Variants in PARD3B observed in about 807,000 individuals in gnomAD.
PARD3B encodes partitioning defective 3 homolog B.
A neutral mutation model predicts 130.2 loss-of-function variants in PARD3B; 103 were observed. The observed-to-expected ratio is 0.79, with a 90% CI of 0.67 to 0.93. The LOEUF (loss-of-function observed/expected upper bound fraction) is 0.93, where lower values mean the gene tolerates loss of function less well. PARD3B is among the 40% of genes least tolerant of loss of function. The pLI, the probability that PARD3B is intolerant of heterozygous loss-of-function variation, is 0.00. For missense variants in PARD3B, 1,609 were observed against 1,499.2 expected, an observed-to-expected ratio of 1.07 and a Z score of -1.21; for synonymous variants, 583 against 553.2, an observed-to-expected ratio of 1.05 and a Z score of -0.76.
At chr2:205,058,206 T>A (rs950587922) in intron 4 of PARD3B, among the ~76,000 whole-genome samples, 1 of 151,942 alleles carries the variant, frequency 6.6e-6, no homozygotes, top group African/African-American at 2.4e-5. Context: ...TTGACTGGCT[T>A]ATTTTACTGA....
At chr2:205,150,600 A>G (rs925806795) in intron 10 of PARD3B, among the ~76,000 whole-genome samples, 2 of 152,138 alleles carry the variant, frequency 1.3e-5, no homozygotes, top group African/African-American at 2.4e-5. Flanking sequence ...GAAGTTTGCT[A>G]TTATTAGAGG....
In PARD3B at chr2:205,116,987, G is replaced by C. The variant is rs2029882321; in HGVS notation, c.681-1934G>C. 6.6e-6 allele frequency among the ~76,000 whole-genome samples: 1 copy of C among 151,970 alleles called. No individual in the cohort carries two copies. Among genetic ancestry groups the C allele is most frequent in the African/African-American group, 2.4e-5 (1 of 41,380 alleles). ...CCCAAAATGTGAAATTAAATCCTAG[G>C]GAGTAACATTACATGACTGATGATG... On this transcript the variant is annotated intron_variant, in intron 6 of 22. Transcript: ENST00000406610. The surrounding 1 kb of genome is among the most constrained non-coding windows in gnomAD (Gnocchi z 4.5).
chr2:205,506,939 A>G (rs2050388475), intron 21 of PARD3B, among the ~76,000 whole-genome samples: 1 of 152,198 alleles, frequency 6.6e-6, no homozygotes, highest in Non-Finnish European at 1.5e-5. Flanking sequence ...TCCTCCAGAC[A>G]GGCCATTAGG....
chr2:205,121,935 T>C lies in PARD3B; in HGVS notation c.1151T>C (p.Ile384Thr), dbSNP rs747611078. The part of the protein sequence containing the change: ...GSNKNAKKIK[I>T]DLKKGPEGLG... The stretch of plus-strand genomic sequence containing the variant: ...AATAAAAATGCAAAGAAAATTAAGA[T>C]TGACCTAAAGAAAGGTAATTATTAA... Residue 384 changes from isoleucine to threonine, a missense_variant, in exon 8 of 23, where the codon ATT becomes ACT. Coordinates refer to ENST00000406610, the MANE Select transcript of PARD3B (RefSeq NM_001302769.2). This position sits in a 1 kb window ranked among gnomAD's most constrained non-coding sequence, Gnocchi z 5.0. 6.2e-7 allele frequency: 1 copy of C among 1,606,630 alleles called. No individual in the cohort carries two copies. Among genetic ancestry groups the C allele is most frequent in the Non-Finnish European group, 8.5e-7 (1 of 1,174,978 alleles).
At chr2:204,940,784 T>A (rs149782713) in intron 2 of PARD3B, among the ~76,000 whole-genome samples, 86 of 152,280 alleles carry the variant, frequency 5.6e-4, no homozygotes, top group Non-Finnish European at 1.0e-3. Flanking sequence ...AATGACACCA[T>A]CATCATGTAT....
intron 22 of PARD3B, among the ~76,000 whole-genome samples, chr2:205,614,843 C>T (rs2055364345): frequency 6.6e-6 from 1 of 151,990 alleles, no homozygotes; most frequent in Admixed American, 6.6e-5. Context: ...AGAGTTAGAC[C>T]AAGATGACAG....
chr2:205,215,193 G>A (rs1189134257), intron 15 of PARD3B, among the ~76,000 whole-genome samples: 1 of 151,828 alleles, frequency 6.6e-6, no homozygotes, highest in Admixed American at 6.6e-5. Context: ...AGAAAAATTT[G>A]TTTAAGTTGG....
chr2:205,378,635 C>CTTT (rs559839181), intron 18 of PARD3B, among the ~76,000 whole-genome samples: 2 of 137,128 alleles, frequency 1.5e-5, no homozygotes, highest in African/African-American at 2.7e-5. Context: ...ATTTTTTTTT[C>CTTT]TTTTTTTTTT....
At position 205,176,375 on chromosome 2, in the gene PARD3B, C is replaced by A. The variant is rs999207878; in HGVS notation, c.1792-70C>A. On this transcript the variant is annotated intron_variant, in intron 12 of 22. Coordinates refer to ENST00000406610, the MANE Select transcript of PARD3B (RefSeq NM_001302769.2). The surrounding 1 kb of genome is among the most constrained non-coding windows in gnomAD (Gnocchi z 5.3). ...ACTATTCATACAGCGATCATTCTTTCACTTTGCTTCAACTGACCAAGTTGG... is the reference window on the plus strand; with the variant it reads ...ACTATTCATACAGCGATCATTCTTTAACTTTGCTTCAACTGACCAAGTTGG... 3.5e-6 allele frequency: 5 copies of A among 1,411,162 alleles called. No homozygotes were observed. In the South Asian group the frequency reaches 4.2e-5, roughly 12 times the overall value. 87.4% of individuals were successfully genotyped at this position (1,411,162 alleles called of 1,614,324 possible).
At chr2:204,926,663 GT>G (rs1300277123) in intron 2 of PARD3B, among the ~76,000 whole-genome samples, 3 of 152,038 alleles carry the variant, frequency 2.0e-5, no homozygotes, top group African/African-American at 7.2e-5. Context: ...CTTCATAGCA[GT>G]TTTGAAGTTT....
rs11319522 is a variant in PARD3B, at chr2:205,559,596, C to CT, written c.3260+6213dup. Among the ~76,000 whole-genome samples, 124 of 72,802 alleles carry CT rather than the reference C, an allele frequency of 1.7e-3. 3 individuals are homozygous for CT. The highest frequency in any genetic ancestry group is 5.5e-3 in the African/African-American group (110 of 20,014). 47.8% of individuals were successfully genotyped at this position (72,802 alleles called of 152,430 possible). On this transcript the variant is annotated intron_variant, in intron 22 of 22. Coordinates refer to ENST00000406610, the MANE Select transcript of PARD3B (RefSeq NM_001302769.2). ...TCTCTGAAATCAATAGAAGTCCAGACTTTTTTTTTTTTTTTTTTTTGAGAC... is the reference window on the plus strand; with the variant it reads ...TCTCTGAAATCAATAGAAGTCCAGACTTTTTTTTTTTTTTTTTTTTTGAGAC...
At chr2:204,824,170 T>C (rs1427997913) in intron 2 of PARD3B, among the ~76,000 whole-genome samples, 2 of 152,198 alleles carry the variant, frequency 1.3e-5, no homozygotes, top group Non-Finnish European at 2.9e-5. Flanking sequence ...TGTCTGTCAC[T>C]CTCTGCTCTC....
rs541019674 is a variant in PARD3B, at chr2:204,942,922, C to T, written c.223-22230C>T. ...GGGAGAGGAACAGAAAAAACATCTA[C>T]TGTGTACTAGGCTTAGCACCTGGAT... On this transcript the variant is annotated intron_variant, in intron 2 of 22. Coordinates refer to ENST00000406610, the MANE Select transcript of PARD3B (RefSeq NM_001302769.2). Among the ~76,000 whole-genome samples the T allele has an allele frequency of 3.3e-5, 5 of 152,236 alleles. No homozygotes were observed. In the South Asian group the frequency reaches 1.0e-3, roughly 32 times the overall value.
rs543741660 is a variant in PARD3B, at chr2:205,268,326, G to A, written c.2185+22504G>A. On this transcript the variant is annotated intron_variant, in intron 16 of 22. Coordinates refer to ENST00000406610, the MANE Select transcript of PARD3B (RefSeq NM_001302769.2). The surrounding 1 kb of genome is among the most constrained non-coding windows in gnomAD (Gnocchi z 4.1). The stretch of plus-strand genomic sequence containing the variant: ...CTCATATAATTGGTTTTTGAGAACG[G>A]TTCCAATATATTGGGAGAAAAATAA... 6.6e-6 allele frequency among the ~76,000 whole-genome samples: 1 copy of A among 152,330 alleles called. No homozygotes were observed. Among genetic ancestry groups the A allele is most frequent in the East Asian group, 1.9e-4 (1 of 5,188 alleles).
At chr2:204,851,933 C>T (rs2044723406) in intron 2 of PARD3B, among the ~76,000 whole-genome samples, 2 of 152,008 alleles carry the variant, frequency 1.3e-5, no homozygotes, top group South Asian at 4.1e-4. Context: ...CCTCAGGTGA[C>T]CTGCCTGCCT....
At chr2:204,975,075 C>A (rs1159917797) in intron 3 of PARD3B, among the ~76,000 whole-genome samples, 1 of 152,026 alleles carries the variant, frequency 6.6e-6, no homozygotes, top group Non-Finnish European at 1.5e-5. Context: ...ATGGGGTACA[C>A]AGTTATCAAA....
rs902114302 is a variant in PARD3B at position 205,105,089 on chromosome 2, G to A, written c.593+575G>A. On this transcript the variant is annotated intron_variant, in intron 5 of 22. Transcript: ENST00000406610. The surrounding 1 kb of genome is among the most constrained non-coding windows in gnomAD (Gnocchi z 4.0). ...GATTCCCAGTTCAGCTCTAGGTAGT[G>A]CCTGGGTTCATATCGCAGCTATGCC... Among the ~76,000 whole-genome samples, 2 of 152,168 alleles carry A rather than the reference G, an allele frequency of 1.3e-5. No individual in the cohort carries two copies. The highest frequency in any genetic ancestry group is 2.9e-5 in the Non-Finnish European group (2 of 68,030).
At chr2:204,946,763 G>A (rs1200284521) in intron 2 of PARD3B, among the ~76,000 whole-genome samples, 1 of 152,156 alleles carries the variant, frequency 6.6e-6, no homozygotes, top group Non-Finnish European at 1.5e-5. Flanking sequence ...AGACCTCGAA[G>A]AGCTGACATA....
At chr2:205,423,113 G>A (rs985621355) in intron 19 of PARD3B, among the ~76,000 whole-genome samples, 2 of 152,194 alleles carry the variant, frequency 1.3e-5, no homozygotes, top group Non-Finnish European at 2.9e-5. Context: ...CTGCACAACA[G>A]TCTGACAGAA....
Sources: allele counts gnomAD v4.1 joint callset (sites outside exome capture counted in the v4.1 genomes callset), GRCh38; gene constraint gnomAD v4.1.1; non-coding constraint Gnocchi (gnomAD v3.1); transcripts MANE v1.5; gene names NCBI Gene and HGNC (gene_info 2026-07-23, HGNC 2026-07-21).